FOXK2: variants seen among roughly 807,000 people sequenced by gnomAD.
FOXK2 encodes forkhead box protein K2.
Under a neutral mutation model 53.3 loss-of-function variants are expected in FOXK2, and 24 were observed. That is an observed-to-expected ratio of 0.45 (90% CI 0.33 to 0.63). The LOEUF (loss-of-function observed/expected upper bound fraction) is 0.63, where lower values mean the gene tolerates loss of function less well. FOXK2 is among the 30% of genes least tolerant of loss of function. The probability of loss-of-function intolerance (pLI) is 0.03; values close to 1 mark genes in which losing one functional copy is unlikely to be tolerated. For missense variants in FOXK2, 952 were observed against 910.5 expected (o/e 1.05, Z -0.59); for synonymous variants, 505 against 407.1 (o/e 1.24, Z -2.89).
chr17:82,571,261 T>G (rs1217679194), intron 3 of FOXK2, among the ~76,000 whole-genome samples: 5 of 152,350 alleles, frequency 3.3e-5, no homozygotes, highest in Admixed American at 6.5e-5. Flanking sequence ...AGTTTTCCAT[T>G]TGTTTCCTCC....
At chr17:82,599,584 G>C (rs1190894115) in intron 8 of FOXK2, 7 of 152,246 alleles carry the variant, frequency 4.6e-5, no homozygotes, top group African/African-American at 1.7e-4. Context: ...GGCTCTCACG[G>C]CTGACCCGAT....
chr17:82,531,003 A>G (rs2044467774), intron 1 of FOXK2, among the ~76,000 whole-genome samples: 1 of 152,244 alleles, frequency 6.6e-6, no homozygotes, highest in Non-Finnish European at 1.5e-5. Context: ...TGGTTTAAAT[A>G]TAAAATGTCT....
Position 82,587,102 on chromosome 17 carries a change from T to G in FOXK2, c.1616T>G (p.Leu539Arg), listed in dbSNP as rs781108033. 2.5e-5 allele frequency: 41 copies of G among 1,611,722 alleles called. No homozygotes were observed. Among genetic ancestry groups the G allele is most frequent in the Non-Finnish European group, 3.5e-5 (41 of 1,179,364 alleles). Residue 539 changes from leucine (L) to arginine (R), a missense_variant, in exon 8 of 9, where the codon CTC becomes CGC. Transcript: ENST00000335255. The stretch of plus-strand genomic sequence containing the variant: ...ATTCCCGCCATTGGCCACGCCACGC[T>G]CGGCACTGCCAGCCGGATCATTCAG... ...EPIPAIGHATLGTASRIIQTA... is the reference protein window; with the variant it reads ...EPIPAIGHATRGTASRIIQTA...
chr17:82,528,711 C>T (rs3803772), intron 1 of FOXK2, among the ~76,000 whole-genome samples: 3,113 of 152,314 alleles, frequency 0.02, 128 homozygotes, highest in East Asian at 0.17. Context: ...CTGCTTTCCT[C>T]GTGCACGTCA....
intron 8 of FOXK2, among the ~76,000 whole-genome samples, chr17:82,592,111 C>G (rs2045258509): frequency 6.6e-6 from 1 of 152,200 alleles, no homozygotes; most frequent in African/African-American, 2.4e-5. Flanking sequence ...CACTATGTTG[C>G]CCAGGCTGGT....
chr17:82,564,544 T>G (rs2044833171), intron 2 of FOXK2, among the ~76,000 whole-genome samples: 1 of 151,986 alleles, frequency 6.6e-6, no homozygotes, highest in Admixed American at 6.6e-5. Flanking sequence ...CCTGGATTCT[T>G]TTTATTGGAG....
intron 1 of FOXK2, among the ~76,000 whole-genome samples, chr17:82,525,483 A>G (rs1168720930): frequency 3.3e-5 from 5 of 152,092 alleles, no homozygotes; most frequent in Non-Finnish European, 7.4e-5. Flanking sequence ...CCGGTCGAGG[A>G]CAAGGTTCTT....
chr17:82,588,492 A>AGGGCAGGCGGTTGGC (rs2045219726), intron 8 of FOXK2: 2 of 145,936 alleles, frequency 1.4e-5, no homozygotes, highest in South Asian at 3.2e-4. Flanking sequence ...AGGCGGTTGG[A>AGGGCAGGCGGTTGGC]GGGCAGGCGG....
At chr17:82,528,575 A>G (rs2044441481) in intron 1 of FOXK2, among the ~76,000 whole-genome samples, 1 of 152,190 alleles carries the variant, frequency 6.6e-6, no homozygotes, top group African/African-American at 2.4e-5. Context: ...TGTTTAAGGC[A>G]CACATTACCA....
chr17:82,535,363 A>C (rs2044510355), intron 1 of FOXK2, among the ~76,000 whole-genome samples: 1 of 151,966 alleles, frequency 6.6e-6, no homozygotes, highest in South Asian at 2.1e-4. Flanking sequence ...GGATTTGTAA[A>C]ATTTTTGTCT....
chr17:82,567,507 C>T (rs530402514), intron 2 of FOXK2, among the ~76,000 whole-genome samples: 1 of 152,324 alleles, frequency 6.6e-6, no homozygotes, highest in South Asian at 2.1e-4. Context: ...CCCGGGCGCC[C>T]CCAGCTGACT....
intron 1 of FOXK2, among the ~76,000 whole-genome samples, chr17:82,521,902 C>G (rs1459242087): frequency 6.6e-6 from 1 of 151,064 alleles, no homozygotes. Context: ...CACCACTGCA[C>G]TCCAGCCTGG....
chr17:82,569,950 A>C (rs147539643), intron 3 of FOXK2, among the ~76,000 whole-genome samples: 2 of 150,920 alleles, frequency 1.3e-5, no homozygotes, highest in Non-Finnish European at 3.0e-5. Flanking sequence ...GGCTGGGCGC[A>C]GTGGCTCACG....
Position 82,587,152 on chromosome 17 carries a change from A to T in FOXK2, c.1666A>T (p.Thr556Ser). ...GACGGCACAGACCACCCCGGTCCAG[A>T]CGGTGACCATAGTACAACAGGCACC... Reference protein sequence around the residue: ...IQTAQTTPVQTVTIVQQAPLG... With the variant: ...IQTAQTTPVQSVTIVQQAPLG... Residue 556 changes from threonine (T) to serine (S), a missense_variant, in exon 8 of 9, where the codon ACG becomes TCG. Physicochemically the swap from Thr to Ser is moderately conservative, Grantham distance 58. Coordinates refer to ENST00000335255, the MANE Select transcript of FOXK2 (RefSeq NM_004514.4). 5 of 1,613,124 alleles carry T rather than the reference A, an allele frequency of 3.1e-6. No individual in the cohort carries two copies. The highest frequency in any genetic ancestry group is 4.2e-6 in the Non-Finnish European group (5 of 1,180,006).
rs1262902115 is a variant in FOXK2, at chr17:82,519,869, G to T, written c.-20G>T. The T allele has an allele frequency of 1.0e-6, 1 of 970,208 alleles. No homozygotes were observed. Among genetic ancestry groups the T allele is most frequent in the African/African-American group, 1.8e-5 (1 of 56,206 alleles). The allele number at this position is 970,208 out of a possible 1,614,324, so 60.1% of individuals were successfully genotyped here. A position where few individuals can be genotyped will look rare whatever the true frequency, so the allele number is the denominator to read the frequency against. On this transcript the variant is annotated 5_prime_UTR_variant, in exon 1 of 9. Coordinates refer to ENST00000335255, the MANE Select transcript of FOXK2 (RefSeq NM_004514.4). ...CACCGGCGCCCGCGCGGAGCGGCCC[G>T]GGGGCCCTCACGCAGGCCCATGGCG...
chr17:82,537,651 A>C (rs906464761), intron 1 of FOXK2, among the ~76,000 whole-genome samples: 121 of 146,350 alleles, frequency 8.3e-4, no homozygotes, highest in Middle Eastern at 3.6e-3. Context: ...AAGGCCAGGC[A>C]CACGGTGGCT....
intron 4 of FOXK2, among the ~76,000 whole-genome samples, chr17:82,575,117 C>T (rs1598221069): frequency 2.0e-5 from 3 of 152,154 alleles, no homozygotes; most frequent in Non-Finnish European, 4.4e-5. Flanking sequence ...AGATGACATA[C>T]GTGTTTTCTG....
chr17:82,545,281 T>C (rs2044614111), intron 1 of FOXK2, among the ~76,000 whole-genome samples: 1 of 152,188 alleles, frequency 6.6e-6, no homozygotes, highest in Admixed American at 6.6e-5. Context: ...GGAATTCCTA[T>C]CCCGAATTCT....
Position 82,519,790 on chromosome 17 carries a change from C to A in FOXK2, c.-99C>A. 2.8e-6 allele frequency: 1 copy of A among 360,886 alleles called. No individual in the cohort carries two copies. Among genetic ancestry groups the A allele is most frequent in the Non-Finnish European group, 3.8e-6 (1 of 262,650 alleles). The allele number at this position is 360,886 out of a possible 1,614,324, so 22.4% of individuals were successfully genotyped here. Reference sequence around the variant, plus strand: ...GCGGCCTCCGCTCGGCCCCCTCCCTCAGCTCCGGTGCGCGGCGGCCGACGA... The same window carrying A: ...GCGGCCTCCGCTCGGCCCCCTCCCTAAGCTCCGGTGCGCGGCGGCCGACGA... On this transcript the variant is annotated 5_prime_UTR_variant, in exon 1 of 9. Transcript: ENST00000335255.
Sources: allele counts gnomAD v4.1 joint callset (sites outside exome capture counted in the v4.1 genomes callset), GRCh38; gene constraint gnomAD v4.1.1; transcripts MANE v1.5; gene names NCBI Gene and HGNC (gene_info 2026-07-23, HGNC 2026-07-21).